The following YEATS2 variants were observed in gnomAD, a reference collection of about 807,000 sequenced individuals.
YEATS2 encodes YEATS domain containing 2, also known as YEATS domain-containing protein 2.
Under a neutral mutation model 163.2 loss-of-function variants are expected in YEATS2, and 77 were observed. The observed-to-expected ratio is 0.47, with a 90% CI of 0.39 to 0.57. The LOEUF (loss-of-function observed/expected upper bound fraction) is 0.57, where lower values mean the gene tolerates loss of function less well. Among genes scored for constraint, YEATS2 ranks in the 20% least tolerant of loss-of-function variants. YEATS2 has a pLI of 0.00. For synonymous variants in YEATS2, 631 were observed against 645.1 expected (o/e 0.98, Z 0.33); for missense variants, 1,549 against 1,729.8 (o/e 0.90, Z 1.85).
Position 183,724,451 on chromosome 3 carries a change from A to G in YEATS2, c.570A>G (p.Thr190=), listed in dbSNP as rs1314462142. The G allele has an allele frequency of 6.2e-7, 1 of 1,613,584 alleles. No individual in the cohort carries two copies. The highest frequency in any genetic ancestry group is 8.5e-7 in the Non-Finnish European group (1 of 1,179,856). ...CTAGAATTACTGGCTCCCATAAAAC[A>G]GAACAGCGGAATGCTGATCTCACAG... ...DTSRITGSHK[T]EQRNADLTDE... Residue 190 remains threonine (T), a synonymous_variant, in exon 6 of 31, where the codon ACA becomes ACG. Coordinates refer to ENST00000305135, the MANE Select transcript of YEATS2 (RefSeq NM_018023.5).
intron 15 of YEATS2, among the ~76,000 whole-genome samples, chr3:183,767,899 A>G (rs1005718884): frequency 2.0e-5 from 3 of 152,216 alleles, no homozygotes; most frequent in Non-Finnish European, 4.4e-5. Context: ...AGAAAGGAAA[A>G]GCAAGTCAGG....
At chr3:183,806,330 C>T (rs1465461700) in intron 27 of YEATS2, 1 of 456,420 alleles carries the variant, frequency 2.2e-6, no homozygotes, top group East Asian at 7.0e-5. Flanking sequence ...GTGTGGACCT[C>T]ACACACTCAT....
At chr3:183,797,309 A>T (rs1000208041) in intron 21 of YEATS2, among the ~76,000 whole-genome samples, 1 of 147,418 alleles carries the variant, frequency 6.8e-6, no homozygotes, top group Non-Finnish European at 1.5e-5. Context: ...TTGGGAGGCC[A>T]TGGTGGGAGG....
At chr3:183,748,978 T>C (rs532996961) in intron 9 of YEATS2, among the ~76,000 whole-genome samples, 6 of 152,106 alleles carry the variant, frequency 3.9e-5, no homozygotes, top group Non-Finnish European at 7.4e-5. Flanking sequence ...AGTCTCACTC[T>C]GTCGCCCAGT....
chr3:183,803,047 G>A (rs1725841112), intron 25 of YEATS2: 1 of 578,422 alleles, frequency 1.7e-6, no homozygotes, highest in African/African-American at 1.9e-5. Flanking sequence ...AAAGTGCCCA[G>A]GAAGGTGTGT....
intron 1 of YEATS2, among the ~76,000 whole-genome samples, chr3:183,700,601 T>TC (rs1438147062): frequency 6.8e-4 from 99 of 145,320 alleles, no homozygotes; most frequent in African/African-American, 2.4e-3. Flanking sequence ...TTTCTTTCTT[T>TC]TTTTTTTTTT....
chr3:183,736,380 C>T (rs1270371942), intron 7 of YEATS2, among the ~76,000 whole-genome samples: 2 of 152,176 alleles, frequency 1.3e-5, no homozygotes, highest in Non-Finnish European at 2.9e-5. Flanking sequence ...TGGCCTGTAT[C>T]TGTCAAATGC....
intron 1 of YEATS2, among the ~76,000 whole-genome samples, chr3:183,704,075 T>G (rs912194617): frequency 1.3e-5 from 2 of 150,070 alleles, no homozygotes. Context: ...CACTCCAACC[T>G]GGGAGGCAGA....
chr3:183,701,454 G>T (rs149618376), intron 1 of YEATS2, among the ~76,000 whole-genome samples: 2 of 151,940 alleles, frequency 1.3e-5, no homozygotes, highest in Admixed American at 1.3e-4. Flanking sequence ...TGATGCAGCC[G>T]TAGGTCATTG....
intron 15 of YEATS2, among the ~76,000 whole-genome samples, chr3:183,762,774 G>A (rs1002186035): frequency 4.0e-5 from 6 of 151,820 alleles, no homozygotes; most frequent in South Asian, 2.1e-4. Context: ...CATAGAGGCC[G>A]GGCATGGTGG....
chr3:183,727,443 T>C lies in YEATS2; in HGVS notation c.651-1247T>C, dbSNP rs80080594. ...TTCTGGGCCGACCTGTCTTGTAAAG[T>C]TGTCATCTCTCCCCAAATCAATCTG... On this transcript the variant is annotated intron_variant, in intron 6 of 30. Transcript: ENST00000305135. Among the ~76,000 whole-genome samples, 363 of 152,254 alleles carry C rather than the reference T, an allele frequency of 2.4e-3. 2 individuals are homozygous for C. The highest frequency in any genetic ancestry group is 8.5e-3 in the African/African-American group (355 of 41,558).
At chr3:183,808,330 C>T (rs921006350) in intron 29 of YEATS2, among the ~76,000 whole-genome samples, 6 of 152,010 alleles carry the variant, frequency 3.9e-5, no homozygotes, top group African/African-American at 9.7e-5. Flanking sequence ...CCTCCTAAGA[C>T]GTATTCTGGG....
chr3:183,794,230 A>G (rs1314870304), intron 21 of YEATS2, among the ~76,000 whole-genome samples: 2 of 152,250 alleles, frequency 1.3e-5, no homozygotes, highest in Admixed American at 1.3e-4. Context: ...GGAATGGACC[A>G]GGAAGTAGAC....
At chr3:183,761,458 A>G in intron 13 of YEATS2, 49 bp from the exon 14 acceptor site, 1 of 1,482,186 alleles carries the variant, frequency 6.7e-7, no homozygotes, top group Admixed American at 1.7e-5. Context: ...TAGATATCTG[A>G]AATCACCCAT....
At chr3:183,792,268 T>C (rs1455720749) in intron 21 of YEATS2, among the ~76,000 whole-genome samples, 2 of 152,056 alleles carry the variant, frequency 1.3e-5, no homozygotes, top group African/African-American at 4.8e-5. Context: ...ATGCATTAGG[T>C]ATTTGTCCTA....
Position 183,773,580 on chromosome 3 carries a change from T to C in YEATS2, c.2207-53T>C, listed in dbSNP as rs192505790. ...ATTGCCTTGTATTTTAATTTTAGAG[T>C]GTTGCCCTTAGTTTCAATTTATCTT... On this transcript the variant is annotated intron_variant, in intron 16 of 30. Coordinates refer to ENST00000305135, the MANE Select transcript of YEATS2 (RefSeq NM_018023.5). 6 of 1,500,362 alleles carry C rather than the reference T, an allele frequency of 4.0e-6. No individual in the cohort carries two copies. In the East Asian group the frequency reaches 1.2e-4, roughly 30 times the overall value. The allele number at this position is 1,500,362 out of a possible 1,614,324, so 92.9% of individuals were successfully genotyped here.
At position 183,776,024 on chromosome 3, in the gene YEATS2, A is replaced by G; in HGVS notation, c.2478A>G (p.Gly826=). 6.2e-7 allele frequency: 1 copy of G among 1,611,696 alleles called. No homozygotes were observed. The highest frequency in any genetic ancestry group is 8.5e-7 in the Non-Finnish European group (1 of 1,178,230). The change falls in exon 18 of 31, where the codon GGA becomes GGG. Residue 826 remains glycine (G), a synonymous_variant. Coordinates refer to ENST00000305135, the MANE Select transcript of YEATS2 (RefSeq NM_018023.5). ...GSGGGGSTGG[G]GGTAGGGTQS... is the part of the protein sequence containing the mutation. ...GTGGAGGCGGCAGCACAGGAGGAGG[A>G]GGAGGAACAGCAGGAGGAGGAACTC...
At chr3:183,805,613 A>T (rs1726109941) in intron 27 of YEATS2, among the ~76,000 whole-genome samples, 1 of 151,630 alleles carries the variant, frequency 6.6e-6, no homozygotes, top group Admixed American at 6.6e-5. Context: ...ACACGGTGAA[A>T]CCTTGCCTCT....
intron 25 of YEATS2, 60 bp downstream of exon 25, chr3:183,801,588 G>C: frequency 1.5e-6 from 2 of 1,315,084 alleles, no homozygotes; most frequent in South Asian, 1.3e-5. Context: ...TTAAGGTATT[G>C]AGTCAACTGA....
Sources: gnomAD v4.1 joint callset for allele counts (sites outside exome capture counted in the v4.1 genomes callset) on GRCh38, gnomAD v4.1.1 for gene constraint, MANE v1.5 for transcripts, NCBI Gene and HGNC (gene_info 2026-07-23, HGNC 2026-07-21) for gene names.